MED1: variants seen among roughly 807,000 people sequenced by gnomAD.
MED1 encodes mediator complex subunit 1.
A neutral mutation model predicts 121.3 loss-of-function variants in MED1; 17 were observed. That is an observed-to-expected ratio of 0.14 (90% confidence interval 0.10 to 0.21). The LOEUF (loss-of-function observed/expected upper bound fraction) is 0.21, where lower values mean the gene tolerates loss of function less well. Ranked by LOEUF, MED1 falls within the 10% of genes least tolerant of loss-of-function variation. MED1 has a pLI of 1.00. For missense variants in MED1, 1,558 were observed against 1,919.4 expected (o/e 0.81, Z 3.52); for synonymous variants, 661 against 694.4 (o/e 0.95, Z 0.76).
chr17:39,410,820 C>T, intron 16 of MED1, 99 bp from the exon 17 acceptor site: 3 of 1,475,562 alleles, frequency 2.0e-6, no homozygotes, highest in South Asian at 1.4e-5. Context: ...AAGCAGTTTT[C>T]AGGTAGGGCA....
intron 1 of MED1, among the ~76,000 whole-genome samples, chr17:39,450,666 C>T (rs1421553996): frequency 6.6e-6 from 1 of 152,162 alleles, no homozygotes; most frequent in East Asian, 1.9e-4. Context: ...AATATAAGGA[C>T]CTAATCATTT....
intron 1 of MED1, among the ~76,000 whole-genome samples, chr17:39,450,689 AAT>A (rs2048774347): frequency 6.6e-6 from 1 of 152,196 alleles, no homozygotes; most frequent in Non-Finnish European, 1.5e-5. Context: ...TTGATGCCAA[AAT>A]AGTCTCCAGT....
In MED1 at chr17:39,438,753, G is replaced by A. The variant is rs902964875; in HGVS notation, c.428+412C>T. 3.0e-4 allele frequency among the ~76,000 whole-genome samples: 45 copies of A among 152,062 alleles called. 1 individual carries two copies. Among genetic ancestry groups the A allele is most frequent in the African/African-American group, 9.7e-5 (4 of 41,430 alleles). On this transcript the variant is annotated intron_variant, in intron 6 of 16. Coordinates refer to ENST00000300651, the MANE Select transcript of MED1 (RefSeq NM_004774.4). ...CTCCCAAAGTGCTGGGATTACAGGCGTGAGCCACCGCACCCAGCCACCTAG... is the reference window on the plus strand; with the variant it reads ...CTCCCAAAGTGCTGGGATTACAGGCATGAGCCACCGCACCCAGCCACCTAG...
chr17:39,426,157 A>G (rs1055566364), intron 10 of MED1, among the ~76,000 whole-genome samples: 3 of 151,952 alleles, frequency 2.0e-5, no homozygotes, highest in Non-Finnish European at 2.9e-5. Flanking sequence ...TTATAATAAC[A>G]ATAAAGGAGC....
In MED1 at chr17:39,409,577, ATTC is replaced by A. The variant is rs775956267; in HGVS notation, c.2641_2643del (p.Glu881del). 88 of 1,614,044 alleles carry A rather than the reference ATTC, an allele frequency of 5.5e-5. No individual in the cohort carries two copies. Among genetic ancestry groups the A allele is most frequent in the Admixed American group, 1.2e-4 (7 of 59,990 alleles). Reference sequence around the variant, plus strand: ...CCACTTTGGCTGCTTTCATCAAAATATTCTTCTCCAAAACCACTTTGGCTCTGG... The same window carrying A: ...CCACTTTGGCTGCTTTCATCAAAATATTCTCCAAAACCACTTTGGCTCTGG... On this transcript the variant is annotated inframe_deletion, in exon 17 of 17. Transcript: ENST00000300651.
In MED1 at chr17:39,409,124, G is replaced by A; in HGVS notation, c.3097C>T (p.Pro1033Ser). 6.2e-7 allele frequency: 1 copy of A among 1,614,124 alleles called. No individual in the cohort carries two copies. Among genetic ancestry groups the A allele is most frequent in the Admixed American group, 1.7e-5 (1 of 60,014 alleles). Residue 1033 changes from proline to serine, a missense_variant, in exon 17 of 17, where the codon CCA becomes TCA. Transcript: ENST00000300651. ...TTAGATCCACCTGTACTGGTAGGTG[G>A]GGTAAAAGGTCTGTTAGAAGAACTA... ...SHSSSNRPFT[P>S]PTSTGGSKSP...
At chr17:39,427,240 G>A (rs1245162579) in intron 10 of MED1, among the ~76,000 whole-genome samples, 1 of 152,044 alleles carries the variant, frequency 6.6e-6, no homozygotes, top group African/African-American at 2.4e-5. Flanking sequence ...GGAGTGCAGT[G>A]ACGCAATCTT....
At chr17:39,445,279 C>G (rs558105002) in intron 2 of MED1, 108 of 151,246 alleles carry the variant, frequency 7.1e-4, no homozygotes, top group African/African-American at 2.5e-3. Context: ...GTAGCATGAT[C>G]TTGGCTCACT....
rs199959703 is a variant in MED1, at chr17:39,440,727, A to T, written c.212-50T>A. 1.0e-4 allele frequency: 151 copies of T among 1,497,526 alleles called. No homozygotes were observed. The Admixed American group carries it at 2.7e-3, about 27-fold the overall frequency. The allele number at this position is 1,497,526 out of a possible 1,614,324, so 92.8% of individuals were successfully genotyped here. On this transcript the variant is annotated intron_variant, in intron 3 of 16. Transcript: ENST00000300651. The surrounding 1 kb of genome is among the most constrained non-coding windows in gnomAD (Gnocchi z 4.1). ...CACAAAGAATGCTCCAAATGACTTA[A>T]ATGATATTCTTTTAAGACAGAAAGA...
intron 10 of MED1, among the ~76,000 whole-genome samples, chr17:39,425,040 C>T (rs1191912787): frequency 2.0e-5 from 3 of 151,902 alleles, no homozygotes; most frequent in Non-Finnish European, 1.5e-5. Flanking sequence ...TCACCATGCC[C>T]GGCTAATTTT....
rs767990335 is a variant in MED1, at chr17:39,409,008, T to G, written c.3213A>C (p.Thr1071=). ...PKITIQIPKG[T]VMVGKPSSHS... ...GAGAGGAAGGCTTGCCCACCATCAC[T>G]GTTCCCTTAGGAATCTGAATAGTGA... Residue 1071 remains threonine (T), a synonymous_variant, in exon 17 of 17, where the codon ACA becomes ACC. Coordinates refer to ENST00000300651, the MANE Select transcript of MED1 (RefSeq NM_004774.4). 2 of 1,614,224 alleles carry G rather than the reference T, an allele frequency of 1.2e-6. No individual in the cohort carries two copies. The highest frequency in any genetic ancestry group is 2.7e-5 in the African/African-American group (2 of 75,056).
Position 39,429,186 on chromosome 17 carries a change from T to TA in MED1, c.650-1397dup, listed in dbSNP as rs371073567. ...GGCAACACAGTGAGACCCCCATCTC[T>TA]AAAAAAATTGTTAAAGTTACCCAGG... On this transcript the variant is annotated intron_variant, in intron 9 of 16. Coordinates refer to ENST00000300651, the MANE Select transcript of MED1 (RefSeq NM_004774.4). Among the ~76,000 whole-genome samples, 434 of 150,196 alleles carry TA rather than the reference T, an allele frequency of 2.9e-3. 2 individuals are homozygous for TA. The Middle Eastern group carries it at 0.068, about 24-fold the overall frequency.
chr17:39,415,205 A>T, intron 15 of MED1, 39 bp downstream of exon 15: 1 of 1,608,538 alleles, frequency 6.2e-7, no homozygotes. Context: ...TAGGGACCAA[A>T]CCGCTCCATG....
In MED1 at chr17:39,441,335, A is replaced by G. The variant is rs1458184091; in HGVS notation, c.212-658T>C. Among the ~76,000 whole-genome samples the G allele has an allele frequency of 2.0e-5, 3 of 152,310 alleles. No individual in the cohort carries two copies. The East Asian group carries it at 5.8e-4, about 29-fold the overall frequency. ...GCGGGAATGGGACATTACAGAATGTAAGCTTGGGAAGATGAGTGAAGTTTT... is the reference window on the plus strand; with the variant it reads ...GCGGGAATGGGACATTACAGAATGTGAGCTTGGGAAGATGAGTGAAGTTTT... On this transcript the variant is annotated intron_variant, in intron 3 of 16. Transcript: ENST00000300651.
Position 39,419,798 on chromosome 17 carries a change from G to C in MED1, c.1216C>G (p.Leu406Val), listed in dbSNP as rs1026206225. The C allele has an allele frequency of 1.2e-6, 2 of 1,614,040 alleles. No homozygotes were observed. Among genetic ancestry groups the C allele is most frequent in the East Asian group, 4.5e-5 (2 of 44,886 alleles). The part of the protein sequence containing the change: ...ITFQHPGRVP[L>V]ILNLIRHQVA... ...TGGTGTCTGATCAGATTTAGGATAA[G>C]AGGAACTCGGCCAGGGTGCTGAAAG... The change falls in exon 14 of 17, where the codon CTT becomes GTT. Residue 406 changes from leucine to valine, a missense_variant. Physicochemically the swap from Leu to Val is conservative, Grantham distance 32. Coordinates refer to ENST00000300651, the MANE Select transcript of MED1 (RefSeq NM_004774.4).
At position 39,415,859 on chromosome 17, in the gene MED1, G is replaced by A. The variant is rs369989809; in HGVS notation, c.1298-520C>T. 4.8e-5 allele frequency among the ~76,000 whole-genome samples: 7 copies of A among 145,062 alleles called. No homozygotes were observed. The East Asian group carries it at 8.1e-4, about 17-fold the overall frequency. Reference sequence around the variant, plus strand: ...AAAAAAATTAGCCGGGTGTGGTGGCGCACACCTGTAATCCTAGCTACTCAG... The same window carrying A: ...AAAAAAATTAGCCGGGTGTGGTGGCACACACCTGTAATCCTAGCTACTCAG... On this transcript the variant is annotated intron_variant, in intron 14 of 16. Coordinates refer to ENST00000300651, the MANE Select transcript of MED1 (RefSeq NM_004774.4).
At chr17:39,427,384 G>A (rs1020930407) in intron 10 of MED1, 4 of 160,988 alleles carry the variant, frequency 2.5e-5, no homozygotes, top group Admixed American at 6.5e-5. Flanking sequence ...GTTTCACCAT[G>A]TTGGTCAGGC....
At position 39,405,309 on chromosome 17, in the gene MED1, C is replaced by G; in HGVS notation, c.*2166G>C. The stretch of plus-strand genomic sequence containing the variant: ...AGATCCTAACTCGGGATTCTTTGAT[C>G]TGGGATGAAGACAGAAAGAGAGAAA... On this transcript the variant is annotated 3_prime_UTR_variant, in exon 17 of 17. Coordinates refer to ENST00000300651, the MANE Select transcript of MED1 (RefSeq NM_004774.4). 1.2e-6 allele frequency: 2 copies of G among 1,603,510 alleles called. No individual in the cohort carries two copies. The highest frequency in any genetic ancestry group is 1.7e-6 in the Non-Finnish European group (2 of 1,175,560).
chr17:39,447,339 C>T (rs750545197), intron 2 of MED1, among the ~76,000 whole-genome samples: 2 of 150,462 alleles, frequency 1.3e-5, no homozygotes, highest in East Asian at 1.9e-4. Context: ...TGCAGTGAGC[C>T]GAGATCGGGC....
Sources: allele counts gnomAD v4.1 joint callset (sites outside exome capture counted in the v4.1 genomes callset), GRCh38; gene constraint gnomAD v4.1.1; non-coding constraint Gnocchi (gnomAD v3.1); transcripts MANE v1.5; gene names NCBI Gene and HGNC (gene_info 2026-07-23, HGNC 2026-07-21).